The following SLC7A14 variants were observed in gnomAD, a reference collection of about 807,000 sequenced individuals.
SLC7A14 encodes solute carrier family 7 member 14.
A neutral mutation model predicts 60.2 loss-of-function variants in SLC7A14; 37 were observed. The observed-to-expected ratio is 0.61, with a 90% CI of 0.47 to 0.81. SLC7A14 has a LOEUF of 0.81. Ranked by LOEUF, SLC7A14 falls within the 30% of genes least tolerant of loss-of-function variation. The probability of loss-of-function intolerance (pLI) is 0.00; values close to 1 mark genes in which losing one functional copy is unlikely to be tolerated. For missense variants in SLC7A14, 886 were observed against 982.7 expected (o/e 0.90, Z 1.32); for synonymous variants, 399 against 395.8 (o/e 1.01, Z -0.10).
chr3:170,508,745 G>A (rs776452718), intron 2 of SLC7A14, among the ~76,000 whole-genome samples: 3 of 152,172 alleles, frequency 2.0e-5, no homozygotes, highest in Admixed American at 6.5e-5. Context: ...CAGCCGCAGC[G>A]GGGCTAAGGC....
intron 2 of SLC7A14, among the ~76,000 whole-genome samples, chr3:170,510,946 G>A (rs1712960565): frequency 6.6e-6 from 1 of 152,208 alleles, no homozygotes; most frequent in African/African-American, 2.4e-5. Flanking sequence ...AGAATGCCGA[G>A]GCCAGCATCA....
In SLC7A14 at chr3:170,559,967, G is replaced by A. The variant is rs1426520748; in HGVS notation, c.-153+25944C>T. On this transcript the variant is annotated intron_variant, in intron 1 of 7. Transcript: ENST00000231706. Reference sequence around the variant, plus strand: ...GAAGGACACAGCATTGCTGAATAAAGATAATCCCGTAGCTCTTTTATTTTT... The same window carrying A: ...GAAGGACACAGCATTGCTGAATAAAAATAATCCCGTAGCTCTTTTATTTTT... 2.0e-5 allele frequency among the ~76,000 whole-genome samples: 3 copies of A among 152,324 alleles called. No individual in the cohort carries two copies. In the South Asian group the frequency reaches 6.2e-4, roughly 32 times the overall value.
At chr3:170,494,876 G>A (rs1263508965) in intron 4 of SLC7A14, among the ~76,000 whole-genome samples, 1 of 152,190 alleles carries the variant, frequency 6.6e-6, no homozygotes, top group Non-Finnish European at 1.5e-5. Flanking sequence ...AACTCAGAGA[G>A]AATGAGCGTG....
chr3:170,462,126 T>G lies in SLC7A14; in HGVS notation c.*4929A>C, dbSNP rs1739620319. ...ATAAGACATTCTAATCTGAGATTCATAATTAGGTAAACCTGTGTTTGGCCC... is the reference window on the plus strand; with the variant it reads ...ATAAGACATTCTAATCTGAGATTCAGAATTAGGTAAACCTGTGTTTGGCCC... On this transcript the variant is annotated 3_prime_UTR_variant, in exon 8 of 8. Transcript: ENST00000231706. The G allele has an allele frequency of 6.6e-6, 1 of 152,234 alleles. No individual in the cohort carries two copies. The highest frequency in any genetic ancestry group is 6.5e-5 in the Admixed American group (1 of 15,282). 9.4% of individuals were successfully genotyped at this position (152,234 alleles called of 1,614,324 possible). A position where few individuals can be genotyped will look rare whatever the true frequency, so the allele number is the denominator to read the frequency against.
At chr3:170,565,660 C>T (rs1437337912) in intron 1 of SLC7A14, among the ~76,000 whole-genome samples, 3 of 152,202 alleles carry the variant, frequency 2.0e-5, no homozygotes, top group Middle Eastern at 3.4e-3. Flanking sequence ...AGCTTGACTT[C>T]CTCTTCTTGC....
chr3:170,561,099 C>A (rs953599792), intron 1 of SLC7A14, among the ~76,000 whole-genome samples: 5 of 152,156 alleles, frequency 3.3e-5, no homozygotes, highest in Non-Finnish European at 5.9e-5. Context: ...CCTTCTGACT[C>A]TTTCCTCTCC....
intron 2 of SLC7A14, among the ~76,000 whole-genome samples, chr3:170,510,250 C>T (rs1047784159): frequency 4.0e-5 from 6 of 151,400 alleles, no homozygotes; most frequent in African/African-American, 1.5e-4. Context: ...ATTAGCTGGG[C>T]GTGTTGGAGG....
intron 1 of SLC7A14, among the ~76,000 whole-genome samples, chr3:170,544,104 G>A (rs9839911): frequency 0.098 from 14,860 of 151,876 alleles, 2,283 homozygotes; most frequent in African/African-American, 0.33. Context: ...CTCCACATTC[G>A]GAGCCTAGTA....
chr3:170,483,609 C>T lies in SLC7A14; in HGVS notation c.907-87G>A, dbSNP rs2108270589. On this transcript the variant is annotated intron_variant, in intron 5 of 7. Coordinates refer to ENST00000231706, the MANE Select transcript of SLC7A14 (RefSeq NM_020949.3). ...CCACGGGAGAGGAAAGAGCCCTGCC[C>T]CTGGAGGCAGAGGCTTGCATGGCAG... The T allele has an allele frequency of 2.1e-6, 3 of 1,439,104 alleles. No individual in the cohort carries two copies. In the South Asian group the frequency reaches 3.5e-5, roughly 17 times the overall value. The allele number at this position is 1,439,104 out of a possible 1,614,324, so 89.1% of individuals were successfully genotyped here. A position where few individuals can be genotyped will look rare whatever the true frequency, so the allele number is the denominator to read the frequency against.
At chr3:170,494,950 A>T (rs753098038) in intron 4 of SLC7A14, among the ~76,000 whole-genome samples, 2 of 152,246 alleles carry the variant, frequency 1.3e-5, no homozygotes, top group Non-Finnish European at 2.9e-5. Context: ...CAGAAACCCC[A>T]GCCCCAGAGC....
At chr3:170,524,512 A>G (rs1283217590) in intron 2 of SLC7A14, among the ~76,000 whole-genome samples, 1 of 72,700 alleles carries the variant, frequency 1.4e-5, no homozygotes, top group East Asian at 2.8e-4. Flanking sequence ...ACTGGGTCAA[A>G]ATGGATGAGA....
rs78196490 is a variant in SLC7A14 at position 170,481,272 on chromosome 3, C to T, written c.1116-106G>A. ...TATCAATAGGCTGGTGTGATTAACT[C>T]CTCCTGGTCCTGCTCCACCAATTTA... On this transcript the variant is annotated intron_variant, in intron 6 of 7. Transcript: ENST00000231706. The T allele has an allele frequency of 2.1e-3, 2,470 of 1,187,828 alleles. 33 individuals carry two copies. The African/African-American group carries it at 0.031, about 15-fold the overall frequency. The allele number at this position is 1,187,828 out of a possible 1,614,324, so 73.6% of individuals were successfully genotyped here.
At chr3:170,486,090 T>C in intron 5 of SLC7A14, 132 bp downstream of exon 5, 1 of 1,135,400 alleles carries the variant, frequency 8.8e-7, no homozygotes, top group Non-Finnish European at 1.2e-6. Flanking sequence ...TCATGGGGAG[T>C]GGGGAATGGG....
Position 170,464,145 on chromosome 3 carries a change from TTA to T in SLC7A14, c.*2908_*2909del, listed in dbSNP as rs1739664795. ...TTCCTCACTTAATTTTTGTTTTGTA[TTA>T]TATATATTTTAGTAGCTGCCTCAAA... is the stretch of plus-strand genomic sequence containing the variant. On this transcript the variant is annotated 3_prime_UTR_variant, in exon 8 of 8. Transcript: ENST00000231706. 1 of 152,232 alleles carries T rather than the reference TTA, an allele frequency of 6.6e-6. No individual in the cohort carries two copies. The highest frequency in any genetic ancestry group is 1.5e-5 in the Non-Finnish European group (1 of 68,048). The allele number at this position is 152,232 out of a possible 1,614,324, so 9.4% of individuals were successfully genotyped here. A position where few individuals can be genotyped will look rare whatever the true frequency, so the allele number is the denominator to read the frequency against.
intron 1 of SLC7A14, among the ~76,000 whole-genome samples, chr3:170,572,118 C>A (rs1714975088): frequency 6.6e-6 from 1 of 151,344 alleles, no homozygotes; most frequent in African/African-American, 2.4e-5. Context: ...TGTCCAAAGT[C>A]CCATACCAAA....
chr3:170,470,338 G>A (rs987013729), intron 7 of SLC7A14, among the ~76,000 whole-genome samples: 1 of 149,938 alleles, frequency 6.7e-6, no homozygotes, highest in African/African-American at 2.5e-5. Flanking sequence ...GTGTGTGTGT[G>A]TATGTGTGTG....
intron 1 of SLC7A14, among the ~76,000 whole-genome samples, chr3:170,547,068 T>C (rs111828498): frequency 1.3e-5 from 2 of 152,110 alleles, no homozygotes; most frequent in African/African-American, 2.4e-5. Flanking sequence ...TGTGCAGCCA[T>C]GGCTGGGTCT....
intron 5 of SLC7A14, among the ~76,000 whole-genome samples, chr3:170,484,674 G>C (rs13082527): frequency 0.52 from 79,487 of 152,134 alleles, 21,936 homozygotes; most frequent in Non-Finnish European, 0.62. Context: ...AAGGAGGACA[G>C]GATGTCCTAG....
intron 7 of SLC7A14, among the ~76,000 whole-genome samples, chr3:170,470,307 C>CGTGTGTGTGT (rs1553864040): frequency 1.3e-4 from 5 of 39,904 alleles, no homozygotes; most frequent in African/African-American, 3.0e-4. Context: ...CTGGAAGGAA[C>CGTGTGTGTGT]ATGTGTGTGT....
Sources: gnomAD v4.1 joint callset for allele counts (sites outside exome capture counted in the v4.1 genomes callset) on GRCh38, gnomAD v4.1.1 for gene constraint, MANE v1.5 for transcripts, NCBI Gene and HGNC (gene_info 2026-07-23, HGNC 2026-07-21) for gene names.